The following TLL1 variants were observed in gnomAD, a reference collection of about 807,000 sequenced individuals.
TLL1 encodes the protein tolloid-like protein 1.
In TLL1, 49 loss-of-function variants were observed where a neutral mutation model predicts 128.2. The ratio of observed to expected loss-of-function variants is 0.38; its 90% confidence interval spans 0.30 to 0.48. TLL1 has a LOEUF of 0.48. Among genes scored for constraint, TLL1 ranks in the 20% least tolerant of loss-of-function variants. TLL1 has a pLI of 0.96. For synonymous variants in TLL1, 454 were observed against 418.8 expected (o/e 1.08, Z -1.03); for missense variants, 1,123 against 1,242.0 (o/e 0.90, Z 1.44).
At chr4:166,072,053 A>G (rs1273525944) in intron 16 of TLL1, among the ~76,000 whole-genome samples, 5 of 151,964 alleles carry the variant, frequency 3.3e-5, no homozygotes, top group African/African-American at 9.7e-5. Flanking sequence ...TCATATGACT[A>G]TTTGACACAT....
chr4:165,918,207 C>T (rs1178298538), intron 1 of TLL1, among the ~76,000 whole-genome samples: 2 of 151,836 alleles, frequency 1.3e-5, no homozygotes, highest in African/African-American at 4.8e-5. Context: ...TTTTTTGGTC[C>T]ATCATTTGAA....
At chr4:166,043,529 A>G (rs1739329558) in intron 12 of TLL1, 110 bp downstream of exon 12, 1 of 1,468,920 alleles carries the variant, frequency 6.8e-7, no homozygotes, top group Non-Finnish European at 9.5e-7. Context: ...CCTTTTAATC[A>G]GCAAAGAAGC....
At chr4:165,880,373 G>C (rs1730921336) in intron 1 of TLL1, among the ~76,000 whole-genome samples, 2 of 152,140 alleles carry the variant, frequency 1.3e-5, no homozygotes, top group South Asian at 4.1e-4. Context: ...GAAGCAAGGT[G>C]GTGTTTATCT....
chr4:166,072,203 A>G (rs1740825758), intron 16 of TLL1, among the ~76,000 whole-genome samples: 1 of 152,048 alleles, frequency 6.6e-6, no homozygotes, highest in Non-Finnish European at 1.5e-5. Flanking sequence ...CGCCTAACAG[A>G]TAACTTTTCA....
intron 1 of TLL1, among the ~76,000 whole-genome samples, chr4:165,879,602 C>A (rs929743555): frequency 2.0e-5 from 3 of 152,054 alleles, no homozygotes; most frequent in African/African-American, 7.2e-5. Context: ...GTTCCTTAGA[C>A]CCATCTGCTT....
chr4:166,055,292 A>G (rs769235976), intron 13 of TLL1, 21 bp downstream of exon 13: 1 of 1,605,644 alleles, frequency 6.2e-7, no homozygotes, highest in Admixed American at 1.7e-5. Flanking sequence ...ATAATTTTCA[A>G]ACGTGAGATT....
At chr4:165,924,958 A>G (rs935614611) in intron 1 of TLL1, among the ~76,000 whole-genome samples, 1 of 152,206 alleles carries the variant, frequency 6.6e-6, no homozygotes, top group Non-Finnish European at 1.5e-5. Flanking sequence ...ACCTGTTTAC[A>G]GCATGGTTTA....
Position 165,897,742 on chromosome 4 carries a change from GT to G in TLL1, c.169+23670del, listed in dbSNP as rs1731751390. On this transcript the variant is annotated intron_variant, in intron 1 of 20. Coordinates refer to ENST00000061240, the MANE Select transcript of TLL1 (RefSeq NM_012464.5). ...TTTTTGGTTTCATATGAAATTTAAAGTAGTTGTTTCTAATTCTGTGAAGAAA... is the reference window on the plus strand; with the variant it reads ...TTTTTGGTTTCATATGAAATTTAAAGAGTTGTTTCTAATTCTGTGAAGAAA... Among the ~76,000 whole-genome samples, 3 of 119,446 alleles carry G rather than the reference GT, an allele frequency of 2.5e-5. No individual in the cohort carries two copies. In the South Asian group the frequency reaches 9.0e-4, roughly 36 times the overall value. 78.4% of individuals were successfully genotyped at this position (119,446 alleles called of 152,430 possible).
At chr4:165,973,447 T>C (rs1735721834) in intron 1 of TLL1, among the ~76,000 whole-genome samples, 1 of 152,042 alleles carries the variant, frequency 6.6e-6, no homozygotes, top group Non-Finnish European at 1.5e-5. Context: ...TTCTCTGGGC[T>C]ACAAGTAGGC....
chr4:165,945,501 C>T (rs1487583189), intron 1 of TLL1, among the ~76,000 whole-genome samples: 1 of 151,968 alleles, frequency 6.6e-6, no homozygotes, highest in Non-Finnish European at 1.5e-5. Context: ...ATGTATATGA[C>T]AACATCATAG....
At chr4:166,001,412 T>C (rs911933866) in intron 5 of TLL1, among the ~76,000 whole-genome samples, 3 of 152,054 alleles carry the variant, frequency 2.0e-5, no homozygotes, top group Non-Finnish European at 4.4e-5. Context: ...CCAAGAATAT[T>C]TGGGACTGTC....
chr4:166,001,827 A>G (rs1160107690), intron 5 of TLL1, among the ~76,000 whole-genome samples: 1 of 151,938 alleles, frequency 6.6e-6, no homozygotes, highest in East Asian at 1.9e-4. Flanking sequence ...GTCATTGAAT[A>G]TGTATAAATA....
At chr4:165,957,169 A>G (rs1039369540) in intron 1 of TLL1, among the ~76,000 whole-genome samples, 1 of 152,172 alleles carries the variant, frequency 6.6e-6, no homozygotes, top group Non-Finnish European at 1.5e-5. Flanking sequence ...AGATCTATCA[A>G]GCAAATGGAA....
At chr4:166,051,883 A>G (rs1417774740) in intron 12 of TLL1, among the ~76,000 whole-genome samples, 1 of 152,238 alleles carries the variant, frequency 6.6e-6, no homozygotes, top group African/African-American at 2.4e-5. Flanking sequence ...TGTAAATAAT[A>G]TGTAATGCAT....
At chr4:166,024,427 C>T (rs574874063) in intron 8 of TLL1, among the ~76,000 whole-genome samples, 4 of 152,256 alleles carry the variant, frequency 2.6e-5, no homozygotes, top group Admixed American at 2.6e-4. Flanking sequence ...AGGAACTGTT[C>T]TTTCAAATTG....
rs78077054 is a variant in TLL1, at chr4:166,014,389, G to A, written c.918-47G>A. On this transcript the variant is annotated intron_variant, in intron 7 of 20. Coordinates refer to ENST00000061240, the MANE Select transcript of TLL1 (RefSeq NM_012464.5). ...CCTTATAAATGTAAGGAATTCATGA[G>A]TTTTCATTTGGTGACTTAGGTGTGG... is the stretch of plus-strand genomic sequence containing the variant. 1.6e-3 allele frequency: 2,583 copies of A among 1,610,218 alleles called. 35 individuals carry two copies. In the African/African-American group the frequency reaches 0.03, roughly 19 times the overall value.
intron 1 of TLL1, among the ~76,000 whole-genome samples, chr4:165,886,557 G>T (rs1410029161): frequency 6.6e-6 from 1 of 152,082 alleles, no homozygotes; most frequent in Non-Finnish European, 1.5e-5. Flanking sequence ...GTATTCATGG[G>T]GGATTAGTTC....
intron 18 of TLL1, among the ~76,000 whole-genome samples, chr4:166,088,594 G>A (rs1741624720): frequency 6.6e-6 from 1 of 152,018 alleles, no homozygotes; most frequent in Non-Finnish European, 1.5e-5. Context: ...CTTGGCATTT[G>A]ACCTAACAAG....
At chr4:166,100,638 A>C in intron 20 of TLL1, 104 bp from the exon 21 acceptor site, 2 of 1,476,158 alleles carry the variant, frequency 1.4e-6, no homozygotes, top group Non-Finnish European at 1.9e-6. Flanking sequence ...GGGAGGATTA[A>C]ATTATATTCC....
Sources: gnomAD v4.1 joint callset for allele counts (sites outside exome capture counted in the v4.1 genomes callset) on GRCh38, gnomAD v4.1.1 for gene constraint, MANE v1.5 for transcripts, NCBI Gene and HGNC (gene_info 2026-07-23, HGNC 2026-07-21) for gene names.